R3HDM1: variants seen among roughly 807,000 people sequenced by gnomAD.
R3HDM1 encodes the protein R3H domain-containing protein 1.
Under a neutral mutation model 141.1 loss-of-function variants are expected in R3HDM1, and 46 were observed. That is an observed-to-expected ratio of 0.33 (90% CI 0.26 to 0.42). The LOEUF is 0.42. R3HDM1 is among the 10% of genes least tolerant of loss of function. The pLI is 1.00. For synonymous variants in R3HDM1, 435 were observed against 472.9 expected, an observed-to-expected ratio of 0.92 and a Z score of 1.04; for missense variants, 1,184 against 1,368.3, an observed-to-expected ratio of 0.87 and a Z score of 2.12.
rs755061499 is a variant in R3HDM1, at chr2:135,621,489, A to T, written c.304-5A>T. The T allele has an allele frequency of 4.8e-5, 74 of 1,543,310 alleles. No individual in the cohort carries two copies. The highest frequency in any genetic ancestry group is 6.5e-5 in the Non-Finnish European group (74 of 1,142,514). ...CATTGAATAATTGACTTTGCCTTCC[A>T]ACAGGAGAAAATTCAGATCCAGTTA... is the stretch of plus-strand genomic sequence containing the variant. On this transcript the variant is annotated splice_polypyrimidine_tract_variant and splice_region_variant and intron_variant, in intron 5 of 26. Transcript: ENST00000683871.
rs140670667 is a variant in R3HDM1 at position 135,557,078 on chromosome 2, T to G, written c.-250+25445T>G. Among the ~76,000 whole-genome samples, 23 of 152,300 alleles carry G rather than the reference T, an allele frequency of 1.5e-4. 3 individuals are homozygous for G. Among genetic ancestry groups the G allele is most frequent in the African/African-American group, 5.3e-4 (22 of 41,578 alleles). ...AGAGCATAAGATGAAGACTGAAATGTGGGATCTTACTGCCTTTTTTCTTTC... is the reference window on the plus strand; with the variant it reads ...AGAGCATAAGATGAAGACTGAAATGGGGGATCTTACTGCCTTTTTTCTTTC... On this transcript the variant is annotated intron_variant, in intron 1 of 26. Coordinates refer to ENST00000683871, the MANE Select transcript of R3HDM1 (RefSeq NM_001378107.1).
intron 3 of R3HDM1, among the ~76,000 whole-genome samples, chr2:135,613,972 C>T (rs575209001): frequency 3.3e-5 from 5 of 152,274 alleles, no homozygotes; most frequent in African/African-American, 1.2e-4. Flanking sequence ...ATTAATTGCA[C>T]TGGACTAAGA....
At chr2:135,577,246 G>A (rs1705652965) in intron 1 of R3HDM1, 3 of 975,504 alleles carry the variant, frequency 3.1e-6, no homozygotes, top group South Asian at 4.7e-5. Flanking sequence ...GGCAAAAACC[G>A]ACATGAAAAA....
intron 6 of R3HDM1, 68 bp from the exon 7 acceptor site, chr2:135,622,586 T>G (rs1439839347): frequency 6.7e-7 from 1 of 1,492,804 alleles, no homozygotes; most frequent in East Asian, 2.4e-5. Context: ...ATATACATCA[T>G]GTGTAAAAGG....
At chr2:135,601,261 GT>G (rs1559211051) in intron 1 of R3HDM1, among the ~76,000 whole-genome samples, 1 of 152,112 alleles carries the variant, frequency 6.6e-6, no homozygotes, top group East Asian at 1.9e-4. Context: ...TCAATTAAAA[GT>G]TTTTTGATAT....
At chr2:135,700,720 A>G (rs1415147842) in intron 21 of R3HDM1, among the ~76,000 whole-genome samples, 1 of 152,250 alleles carries the variant, frequency 6.6e-6, no homozygotes, top group African/African-American at 2.4e-5. Context: ...TTGAAATAGC[A>G]GCCATGAAAT....
intron 1 of R3HDM1, among the ~76,000 whole-genome samples, chr2:135,571,572 C>T (rs563828913): frequency 3.3e-5 from 5 of 152,018 alleles, no homozygotes; most frequent in African/African-American, 4.8e-5. Context: ...GCAGTTCGCC[C>T]GCCTCAGCCT....
chr2:135,608,623 T>C (rs1198269622), intron 3 of R3HDM1, among the ~76,000 whole-genome samples: 4 of 152,218 alleles, frequency 2.6e-5, no homozygotes, highest in African/African-American at 9.6e-5. Flanking sequence ...TTTAACTTAA[T>C]GTGGAGTTAA....
At chr2:135,644,463 C>T (rs1271103981) in intron 15 of R3HDM1, among the ~76,000 whole-genome samples, 1 of 152,074 alleles carries the variant, frequency 6.6e-6, no homozygotes, top group Non-Finnish European at 1.5e-5. Flanking sequence ...TGAGATCGCA[C>T]CACTGCACTC....
rs772044098 is a variant in R3HDM1, at chr2:135,540,574, T to TTTTA, written c.-250+8961_-250+8964dup. On this transcript the variant is annotated intron_variant, in intron 1 of 26. Coordinates refer to ENST00000683871, the MANE Select transcript of R3HDM1 (RefSeq NM_001378107.1). ...GGTGCATGCCACCACATCCGTCTAT[T>TTTTA]TTTATTTATTTATTTATTTATTTTT... Among the ~76,000 whole-genome samples the TTTTA allele has an allele frequency of 6.8e-4, 104 of 151,972 alleles. 1 individual carries two copies. The highest frequency in any genetic ancestry group is 1.9e-3 in the Admixed American group (29 of 15,274).
intron 1 of R3HDM1, among the ~76,000 whole-genome samples, chr2:135,548,464 G>A (rs1343617872): frequency 6.6e-6 from 1 of 152,102 alleles, no homozygotes; most frequent in African/African-American, 2.4e-5. Context: ...TCATAAATAT[G>A]TCATTCAATT....
intron 26 of R3HDM1, among the ~76,000 whole-genome samples, chr2:135,723,401 G>A (rs929521524): frequency 6.6e-6 from 1 of 151,858 alleles, no homozygotes; most frequent in African/African-American, 2.4e-5. Context: ...AGGATTACAG[G>A]TGCGCCCGGC....
chr2:135,665,396 C>G (rs2067336977), intron 19 of R3HDM1: 1 of 530,858 alleles, frequency 1.9e-6, no homozygotes, highest in Non-Finnish European at 3.9e-6. Context: ...GGCCTTGTTC[C>G]TGAGCTGTTG....
intron 1 of R3HDM1, among the ~76,000 whole-genome samples, chr2:135,546,572 T>C (rs1698736460): frequency 6.6e-6 from 1 of 152,218 alleles, no homozygotes; most frequent in African/African-American, 2.4e-5. Context: ...GTATTACATA[T>C]TGTTGCTGAC....
chr2:135,717,919 C>T (rs1052463291), intron 24 of R3HDM1, among the ~76,000 whole-genome samples: 10 of 152,320 alleles, frequency 6.6e-5, no homozygotes, highest in African/African-American at 2.4e-4. Context: ...ATAGCTCAAA[C>T]TGGACATGAC....
intron 5 of R3HDM1, 69 bp downstream of exon 5, chr2:135,616,826 T>G: frequency 7.6e-7 from 1 of 1,309,052 alleles, no homozygotes; most frequent in Non-Finnish European, 1.1e-6. Flanking sequence ...ATGATTTAAG[T>G]TGTGTTTGTT....
At chr2:135,549,855 T>TTGTA in intron 1 of R3HDM1, 1 of 555,052 alleles carries the variant, frequency 1.8e-6, no homozygotes, top group Non-Finnish European at 2.3e-6. Context: ...TACTACTGAA[T>TTGTA]TGTACCTTTA....
intron 17 of R3HDM1, chr2:135,650,817 C>T (rs2065072837): frequency 1.0e-6 from 1 of 984,522 alleles, no homozygotes; most frequent in Non-Finnish European, 1.2e-6. Context: ...GATCTAGAAA[C>T]TGCAGACATG....
At chr2:135,563,040 T>C (rs567225167) in intron 1 of R3HDM1, among the ~76,000 whole-genome samples, 117 of 152,226 alleles carry the variant, frequency 7.7e-4, no homozygotes, top group Non-Finnish European at 1.3e-3. Context: ...TCATCCTCAC[T>C]GTTGTTTACC....
Sources: allele counts gnomAD v4.1 joint callset (sites outside exome capture counted in the v4.1 genomes callset), GRCh38; gene constraint gnomAD v4.1.1; transcripts MANE v1.5; gene names NCBI Gene and HGNC (gene_info 2026-07-23, HGNC 2026-07-21).